Variants in PPP2R2B observed in about 807,000 individuals in gnomAD.
PPP2R2B encodes the protein protein phosphatase 2 regulatory subunit Bbeta, also known as serine/threonine-protein phosphatase 2A 55 kDa regulatory subunit B beta isoform.
PPP2R2B carries 5 observed loss-of-function variants against 46.0 expected under a neutral mutation model. The ratio of observed to expected loss-of-function variants is 0.11; its 90% CI spans 0.06 to 0.23. The LOEUF (loss-of-function observed/expected upper bound fraction) is 0.23, where lower values mean the gene tolerates loss of function less well. Ranked by LOEUF, PPP2R2B falls within the 10% of genes least tolerant of loss-of-function variation. The pLI, the probability that PPP2R2B is intolerant of heterozygous loss-of-function variation, is 1.00. For synonymous variants in PPP2R2B, 215 were observed against 206.7 expected (o/e 1.04, Z -0.34); for missense variants, 367 against 575.0 (o/e 0.64, Z 3.70).
chr5:146,618,678 G>A (rs1288019208), intron 7 of PPP2R2B, among the ~76,000 whole-genome samples: 1 of 152,154 alleles, frequency 6.6e-6, no homozygotes, highest in Non-Finnish European at 1.5e-5. Context: ...AGAGCGGGCT[G>A]CTTCTGGGCA....
At chr5:146,887,498 A>G (rs1307028107) in intron 1 of PPP2R2B, among the ~76,000 whole-genome samples, 1 of 151,366 alleles carries the variant, frequency 6.6e-6, no homozygotes, top group Non-Finnish European at 1.5e-5. Context: ...AGACATACCT[A>G]TATATATATA....
chr5:147,073,879 T>C (rs1038257715), intron 2 of PPP2R2B, among the ~76,000 whole-genome samples: 6 of 151,752 alleles, frequency 4.0e-5, no homozygotes, highest in African/African-American at 1.5e-4. Flanking sequence ...TTACTAAAAA[T>C]ACAAAAAGTA....
chr5:146,641,068 A>G (rs79564410), intron 6 of PPP2R2B, among the ~76,000 whole-genome samples: 10,269 of 152,258 alleles, frequency 0.067, 383 homozygotes, highest in Middle Eastern at 0.13. Flanking sequence ...TGATGAAGTT[A>G]AGAGGAAGAT....
At chr5:146,788,691 T>G (rs1756002486) in intron 2 of PPP2R2B, among the ~76,000 whole-genome samples, 1 of 152,184 alleles carries the variant, frequency 6.6e-6, no homozygotes, top group Non-Finnish European at 1.5e-5. Context: ...AGATCGTGCA[T>G]CATTGCATTT....
chr5:146,675,434 TAGC>T (rs1173817697), intron 5 of PPP2R2B, among the ~76,000 whole-genome samples: 1 of 152,182 alleles, frequency 6.6e-6, no homozygotes, highest in African/African-American at 2.4e-5. Context: ...GACTGTGGGA[TAGC>T]AGGTTAGTTG....
chr5:146,985,732 G>C (rs1753397865), intron 1 of PPP2R2B, among the ~76,000 whole-genome samples: 1 of 152,030 alleles, frequency 6.6e-6, no homozygotes, highest in Non-Finnish European at 1.5e-5. Flanking sequence ...GAGCAATTAG[G>C]CAAGAGAAAC....
intron 2 of PPP2R2B, among the ~76,000 whole-genome samples, chr5:146,834,333 C>A (rs187720727): frequency 5.1e-4 from 77 of 152,272 alleles, no homozygotes; most frequent in African/African-American, 1.8e-3. Flanking sequence ...ACTAAAGTTA[C>A]AACTAGTTAG....
rs1414571435 is a variant in PPP2R2B, at chr5:146,581,083, C to A, written c.*8864G>T. ...CTGATTCTTTCATCAAGAAACATCA[C>A]AAATTACCTCTATTAGTCTGTTCTT... On this transcript the variant is annotated 3_prime_UTR_variant, in exon 10 of 10. Coordinates refer to ENST00000394411, the MANE Select transcript of PPP2R2B (RefSeq NM_181675.4). 1 of 152,194 alleles carries A rather than the reference C, an allele frequency of 6.6e-6. No individual in the cohort carries two copies. Among genetic ancestry groups the A allele is most frequent in the African/African-American group, 2.4e-5 (1 of 41,516 alleles). The allele number at this position is 152,194 out of a possible 1,614,324, so 9.4% of individuals were successfully genotyped here.
chr5:146,823,725 T>C (rs1223410098), intron 2 of PPP2R2B, among the ~76,000 whole-genome samples: 3 of 152,126 alleles, frequency 2.0e-5, no homozygotes, highest in Non-Finnish European at 4.4e-5. Context: ...ATAAAATAAT[T>C]CTTCTCCCTA....
chr5:146,597,900 C>T (rs1771348330), intron 8 of PPP2R2B, among the ~76,000 whole-genome samples: 1 of 152,212 alleles, frequency 6.6e-6, no homozygotes, highest in African/African-American at 2.4e-5. Flanking sequence ...ACAGCCAATT[C>T]TGCAATGGAC....
intron 7 of PPP2R2B, among the ~76,000 whole-genome samples, chr5:146,624,697 T>A (rs1442692913): frequency 6.6e-6 from 1 of 152,194 alleles, no homozygotes; most frequent in Non-Finnish European, 1.5e-5. Context: ...CCAAACTCCT[T>A]ACCATTGCCT....
At chr5:146,591,178 G>A (rs902517360) in intron 9 of PPP2R2B, among the ~76,000 whole-genome samples, 1 of 152,142 alleles carries the variant, frequency 6.6e-6, no homozygotes, top group Non-Finnish European at 1.5e-5. Context: ...TCTGGGTGGA[G>A]CTCTGACTGG....
At chr5:146,620,280 G>C (rs1773565664) in intron 7 of PPP2R2B, among the ~76,000 whole-genome samples, 1 of 152,228 alleles carries the variant, frequency 6.6e-6, no homozygotes, top group Non-Finnish European at 1.5e-5. Flanking sequence ...AATATGTACA[G>C]ACAAGTTCAT....
chr5:146,966,763 A>C (rs966680685), intron 1 of PPP2R2B, among the ~76,000 whole-genome samples: 3 of 152,102 alleles, frequency 2.0e-5, no homozygotes, highest in Non-Finnish European at 4.4e-5. Context: ...AAAATCAATG[A>C]CAATGCCAAT....
chr5:146,804,083 C>T (rs1374545465), intron 2 of PPP2R2B, among the ~76,000 whole-genome samples: 1 of 151,918 alleles, frequency 6.6e-6, no homozygotes, highest in Non-Finnish European at 1.5e-5. Flanking sequence ...AGAAGAATCG[C>T]TTGAACCCGG....
intron 2 of PPP2R2B, among the ~76,000 whole-genome samples, chr5:146,731,978 A>T (rs931500277): frequency 1.3e-5 from 2 of 152,164 alleles, no homozygotes; most frequent in African/African-American, 4.8e-5. Context: ...CACTAACTTG[A>T]TGATTAAGAT....
At chr5:147,062,237 C>T (rs1021533873) in intron 2 of PPP2R2B, among the ~76,000 whole-genome samples, 2 of 152,296 alleles carry the variant, frequency 1.3e-5, no homozygotes, top group East Asian at 3.9e-4. Flanking sequence ...GAGCAATAGG[C>T]TGTACCATCT....
At chr5:146,625,114 C>G (rs1034485805) in intron 7 of PPP2R2B, among the ~76,000 whole-genome samples, 2 of 152,228 alleles carry the variant, frequency 1.3e-5, no homozygotes, top group Non-Finnish European at 2.9e-5. Flanking sequence ...ATTACCTTTA[C>G]TTCATGGACT....
At chr5:146,783,592 T>C (rs1582094551) in intron 2 of PPP2R2B, among the ~76,000 whole-genome samples, 1 of 152,204 alleles carries the variant, frequency 6.6e-6, no homozygotes, top group East Asian at 1.9e-4. Flanking sequence ...AAATAATTAA[T>C]GTCAGAGGCT....
Sources: allele counts gnomAD v4.1 joint callset (sites outside exome capture counted in the v4.1 genomes callset), GRCh38; gene constraint gnomAD v4.1.1; transcripts MANE v1.5; gene names NCBI Gene and HGNC (gene_info 2026-07-23, HGNC 2026-07-21).